HIP1: variants seen among roughly 807,000 people sequenced by gnomAD.
HIP1 encodes the protein huntingtin interacting protein 1.
HIP1 carries 65 observed loss-of-function variants against 147.6 expected under a neutral mutation model. That is an observed-to-expected ratio of 0.44 (90% confidence interval 0.36 to 0.54). The LOEUF is 0.54. Ranked by LOEUF, HIP1 falls within the 20% of genes least tolerant of loss-of-function variation. The pLI is 0.00. For synonymous variants in HIP1, 479 were observed against 504.0 expected (o/e 0.95, Z 0.67); for missense variants, 1,061 against 1,299.6 (o/e 0.82, Z 2.82).
intron 1 of HIP1, among the ~76,000 whole-genome samples, chr7:75,665,741 A>G (rs759598818): frequency 6.6e-6 from 1 of 151,942 alleles, no homozygotes; most frequent in Non-Finnish European, 1.5e-5. Flanking sequence ...GGGTTTTGCT[A>G]TGTTGGCCAG....
At chr7:75,611,347 G>A (rs7776453) in intron 1 of HIP1, among the ~76,000 whole-genome samples, 6 of 151,684 alleles carry the variant, frequency 4.0e-5, no homozygotes, top group Admixed American at 1.3e-4. Context: ...CGTGCCTGTA[G>A]TCCCAGCCAC....
At chr7:75,713,461 G>A (rs912036118) in intron 1 of HIP1, among the ~76,000 whole-genome samples, 1 of 152,156 alleles carries the variant, frequency 6.6e-6, no homozygotes, top group Admixed American at 6.6e-5. Context: ...GCTTAGGAAG[G>A]TTCTACTCCA....
chr7:75,715,963 C>T (rs1183503095), intron 1 of HIP1, among the ~76,000 whole-genome samples: 1 of 151,756 alleles, frequency 6.6e-6, no homozygotes, highest in Non-Finnish European at 1.5e-5. Context: ...CAGAGAGAGC[C>T]AGGCTCTTTT....
chr7:75,578,510 T>TA (rs144600855), intron 7 of HIP1, among the ~76,000 whole-genome samples: 2,255 of 152,098 alleles, frequency 0.015, 54 homozygotes, highest in African/African-American at 0.052. Flanking sequence ...GCCTTGTCTC[T>TA]AAAAAAAGTA....
chr7:75,557,684 C>T lies in HIP1; in HGVS notation c.1551G>A (p.Leu517=). 1 of 1,614,078 alleles carries T rather than the reference C, an allele frequency of 6.2e-7. No individual in the cohort carries two copies. Among genetic ancestry groups the T allele is most frequent in the Non-Finnish European group, 8.5e-7 (1 of 1,179,950 alleles). Residue 517 remains leucine (L), a synonymous_variant, in exon 16 of 31, where the codon TTG becomes TTA. Coordinates refer to ENST00000336926, the MANE Select transcript of HIP1 (RefSeq NM_005338.7). ...EREKKELEDS[L]ERISDQGQRK... ...GCTGGCCCTGGTCACTGATGCGCTCCAACGAATCCTCCAGCTCTTTTTTCT... is the reference window on the plus strand; with the variant it reads ...GCTGGCCCTGGTCACTGATGCGCTCTAACGAATCCTCCAGCTCTTTTTTCT...
rs539668695 is a variant in HIP1 at position 75,659,771 on chromosome 7, A to C, written c.121-60524T>G. Among the ~76,000 whole-genome samples, 11 of 152,314 alleles carry C rather than the reference A, an allele frequency of 7.2e-5. 1 individual carries two copies. The highest frequency in any genetic ancestry group is 2.6e-4 in the African/African-American group (11 of 41,580). On this transcript the variant is annotated intron_variant, in intron 1 of 30. Transcript: ENST00000336926. ...TTCCTCTTAGCAGATGCTGCTAAGA[A>C]AGCATTTTATTGGGTACCCACCATA...
chr7:75,640,752 C>CAATAATAATAATAAT (rs139850457), intron 1 of HIP1, among the ~76,000 whole-genome samples: 6 of 85,004 alleles, frequency 7.1e-5, no homozygotes, highest in Admixed American at 1.2e-4. Flanking sequence ...GACTCCATCT[C>CAATAATAATAATAAT]AATAATAATA....
chr7:75,657,258 T>C (rs1389903835), intron 1 of HIP1, among the ~76,000 whole-genome samples: 2 of 152,018 alleles, frequency 1.3e-5, no homozygotes, highest in Non-Finnish European at 2.9e-5. Context: ...CAGCTGGGCA[T>C]GGTGGCTCAC....
chr7:75,572,840 C>T (rs998698096), intron 8 of HIP1, among the ~76,000 whole-genome samples: 1 of 152,170 alleles, frequency 6.6e-6, no homozygotes, highest in Non-Finnish European at 1.5e-5. Flanking sequence ...GCCCCGCACC[C>T]GCCCCCAGCC....
intron 29 of HIP1, 102 bp downstream of exon 29, chr7:75,541,817 G>A (rs1178555406): frequency 1.9e-5 from 16 of 835,206 alleles, no homozygotes; most frequent in Non-Finnish European, 3.1e-5. Context: ...GTTAGTAGGT[G>A]CACCTGTGTT....
At chr7:75,615,020 G>A (rs918028856) in intron 1 of HIP1, among the ~76,000 whole-genome samples, 6 of 152,030 alleles carry the variant, frequency 3.9e-5, no homozygotes, top group Non-Finnish European at 7.4e-5. Context: ...TGATCCACCT[G>A]CCTCGGCCTC....
chr7:75,638,033 C>G (rs1412929511), intron 1 of HIP1, among the ~76,000 whole-genome samples: 4 of 132,212 alleles, frequency 3.0e-5, no homozygotes, highest in African/African-American at 5.8e-5. Context: ...CACACACACA[C>G]AGCCCACGAC....
chr7:75,661,970 C>T lies in HIP1; in HGVS notation c.121-62723G>A, dbSNP rs75078735. 7.6e-3 allele frequency among the ~76,000 whole-genome samples: 1,157 copies of T among 151,316 alleles called. 51 individuals are homozygous for T. In the East Asian group the frequency reaches 0.14, roughly 18 times the overall value. ...TGCATATGGTGGGAGGCAGAAGGAA[C>T]GGAGTGAAGAGGAAGCGCAATGGGA... On this transcript the variant is annotated intron_variant, in intron 1 of 30. Coordinates refer to ENST00000336926, the MANE Select transcript of HIP1 (RefSeq NM_005338.7).
intron 1 of HIP1, among the ~76,000 whole-genome samples, chr7:75,716,009 AACTC>A (rs1801307391): frequency 6.6e-6 from 1 of 151,980 alleles, no homozygotes; most frequent in African/African-American, 2.4e-5. Context: ...ACAGAATGAG[AACTC>A]ACTCATGACT....
chr7:75,642,961 A>C (rs1287474857), intron 1 of HIP1, among the ~76,000 whole-genome samples: 1 of 151,780 alleles, frequency 6.6e-6, no homozygotes, highest in Non-Finnish European at 1.5e-5. Context: ...ACCCCACAGC[A>C]CTCCACGTTT....
At position 75,665,168 on chromosome 7, in the gene HIP1, A is replaced by G. The variant is rs560181818; in HGVS notation, c.121-65921T>C. Among the ~76,000 whole-genome samples the G allele has an allele frequency of 3.3e-5, 5 of 152,156 alleles. No individual in the cohort carries two copies. In the East Asian group the frequency reaches 7.7e-4, roughly 23 times the overall value. On this transcript the variant is annotated intron_variant, in intron 1 of 30. Transcript: ENST00000336926. ...TCCCAGCTAGTCAGGGGGTTGAGGG[A>G]GGAGGATTGTTTGAGGCCAGGAGTT...
chr7:75,735,704 T>A (rs1282664135), intron 1 of HIP1, among the ~76,000 whole-genome samples: 7 of 151,864 alleles, frequency 4.6e-5, no homozygotes, highest in African/African-American at 1.5e-4. Flanking sequence ...CTTTTTTTTT[T>A]ATTTGAGATG....
At chr7:75,651,707 C>T (rs1319563329) in intron 1 of HIP1, among the ~76,000 whole-genome samples, 1 of 152,128 alleles carries the variant, frequency 6.6e-6, no homozygotes, top group African/African-American at 2.4e-5. Context: ...AGTCACTCAA[C>T]TTCTCTGTGC....
chr7:75,616,584 G>GGGAGGAGGA (rs782489721), intron 1 of HIP1, among the ~76,000 whole-genome samples: 8,195 of 145,890 alleles, frequency 0.056, 236 homozygotes, highest in Middle Eastern at 0.081. Context: ...TTTAAGGGTG[G>GGGAGGAGGA]GGAGGAGGAG....
Sources: allele counts gnomAD v4.1 joint callset (sites outside exome capture counted in the v4.1 genomes callset), GRCh38; gene constraint gnomAD v4.1.1; transcripts MANE v1.5; gene names NCBI Gene and HGNC (gene_info 2026-07-23, HGNC 2026-07-21).